Variants in SMARCB1 observed in about 807,000 individuals in gnomAD.
SMARCB1 encodes the protein SWI/SNF-related matrix-associated actin-dependent regulator of chromatin subfamily B member 1.
In SMARCB1, 5 loss-of-function variants were observed where a neutral mutation model predicts 49.0. The ratio of observed to expected loss-of-function variants is 0.10; its 90% CI spans 0.05 to 0.21. SMARCB1 has a LOEUF of 0.21. SMARCB1 is among the 10% of genes least tolerant of loss of function. The probability of loss-of-function intolerance (pLI) is 1.00; values close to 1 mark genes in which losing one functional copy is unlikely to be tolerated. For missense variants in SMARCB1, 226 were observed against 509.2 expected (o/e 0.44, Z 5.35); for synonymous variants, 201 against 200.1 (o/e 1.00, Z -0.04).
At chr22:23,814,753 C>T (rs1425365876) in intron 5 of SMARCB1, among the ~76,000 whole-genome samples, 1 of 151,172 alleles carries the variant, frequency 6.6e-6, no homozygotes, top group Non-Finnish European at 1.5e-5. Context: ...GGCGGATCAC[C>T]TGAGGTCAGG....
At chr22:23,787,925 G>A (rs1179751504) in intron 1 of SMARCB1, among the ~76,000 whole-genome samples, 2 of 152,194 alleles carry the variant, frequency 1.3e-5, no homozygotes, top group African/African-American at 4.8e-5. Context: ...AAGAGCCTAA[G>A]GATGTTTAAC....
chr22:23,813,876 C>T (rs1930025946), intron 5 of SMARCB1, among the ~76,000 whole-genome samples: 1 of 152,068 alleles, frequency 6.6e-6, no homozygotes, highest in South Asian at 2.1e-4. Flanking sequence ...TTTGCCCAGG[C>T]TGGAGTGCAG....
rs542121952 is a variant in SMARCB1, at chr22:23,825,164, C to T, written c.796-61C>T. ...CCACCCCAGGCCTGGCAGGGCCCCG[C>T]TCCTCGCGGCCTCCCTGGGCTGCAA... On this transcript the variant is annotated intron_variant, in intron 6 of 8. Coordinates refer to ENST00000644036, the MANE Select transcript of SMARCB1 (RefSeq NM_003073.5). 2,061 of 1,479,946 alleles carry T rather than the reference C, an allele frequency of 1.4e-3. 10 individuals are homozygous for T. Among genetic ancestry groups the T allele is most frequent in the Middle Eastern group, 9.5e-3 (55 of 5,816 alleles). 91.7% of individuals were successfully genotyped at this position (1,479,946 alleles called of 1,614,324 possible).
Position 23,837,323 on chromosome 22 carries a change from A to G in SMARCB1, c.*3143A>G. 1.1e-6 allele frequency: 1 copy of G among 877,664 alleles called. No individual in the cohort carries two copies. The highest frequency in any genetic ancestry group is 1.6e-5 in the South Asian group (1 of 62,268). 54.4% of individuals were successfully genotyped at this position (877,664 alleles called of 1,614,324 possible). A position where few individuals can be genotyped will look rare whatever the true frequency, so the allele number is the denominator to read the frequency against. ...AGCCCCGGGTTGGCCGTGAAGGACA[A>G]GCTTAAAAGGCCCAGAAGCAGGCAG... On this transcript the variant is annotated 3_prime_UTR_variant, in exon 9 of 9. Coordinates refer to ENST00000644036, the MANE Select transcript of SMARCB1 (RefSeq NM_003073.5).
intron 5 of SMARCB1, among the ~76,000 whole-genome samples, chr22:23,806,919 C>CA (rs61000279): frequency 0.06 from 5,174 of 86,402 alleles, 203 homozygotes; most frequent in East Asian, 0.21. Context: ...GACTCTATCT[C>CA]AAAAAAAAAA....
Position 23,836,106 on chromosome 22 carries a change from C to T in SMARCB1, c.*1926C>T, listed in dbSNP as rs1355478207. On this transcript the variant is annotated 3_prime_UTR_variant, in exon 9 of 9. Transcript: ENST00000644036. The stretch of plus-strand genomic sequence containing the variant: ...CCACAGGGGTCGGATAAGGCTCACA[C>T]ACGTCCTCAGCTAAAAAGGGCAGGA... The T allele has an allele frequency of 1.0e-6, 1 of 985,368 alleles. No homozygotes were observed. Among genetic ancestry groups the T allele is most frequent in the Non-Finnish European group, 1.2e-6 (1 of 829,982 alleles). 61.0% of individuals were successfully genotyped at this position (985,368 alleles called of 1,614,324 possible).
chr22:23,834,157 G>T lies in SMARCB1; in HGVS notation c.1135G>T (p.Ala379Ser). The part of the protein sequence containing the change: ...DRNTRRMRRL[A>S]NTAPAW ...CTCTTCCAGGCGGATGAGGCGTCTT[G>T]CCAACACGGCCCCGGCCTGGTAACC... The change falls in exon 9 of 9, where the codon GCC becomes TCC. Residue 379 changes from alanine (A) to serine (S), a missense_variant. Ala to Ser is a moderately conservative substitution (Grantham distance 99, BLOSUM62 1). Transcript: ENST00000644036. The T allele has an allele frequency of 6.3e-7, 1 of 1,594,064 alleles. No individual in the cohort carries two copies. The highest frequency in any genetic ancestry group is 8.5e-7 in the Non-Finnish European group (1 of 1,170,700).
chr22:23,830,124 A>G (rs976254195), intron 7 of SMARCB1, among the ~76,000 whole-genome samples: 2 of 152,144 alleles, frequency 1.3e-5, no homozygotes, highest in Non-Finnish European at 2.9e-5. Flanking sequence ...ACATTTGTGT[A>G]TGAGTTTTTG....
Position 23,837,917 on chromosome 22 carries a change from C to G in SMARCB1, c.*3737C>G. The G allele has an allele frequency of 4.0e-6, 6 of 1,497,188 alleles. No individual in the cohort carries two copies. The highest frequency in any genetic ancestry group is 5.4e-6 in the Non-Finnish European group (6 of 1,110,832). 92.7% of individuals were successfully genotyped at this position (1,497,188 alleles called of 1,614,324 possible). The stretch of plus-strand genomic sequence containing the variant: ...CCCAAGCCCAGGGCCCCTCTGACTT[C>G]CCAAGACCCTGGAATTCTTCCCCTC... On this transcript the variant is annotated 3_prime_UTR_variant, in exon 9 of 9. Coordinates refer to ENST00000644036, the MANE Select transcript of SMARCB1 (RefSeq NM_003073.5).
intron 7 of SMARCB1, 154 bp downstream of exon 7, chr22:23,825,569 C>A: frequency 1.5e-6 from 1 of 659,406 alleles, no homozygotes. Context: ...CCTCCTCCTG[C>A]CCTATGTATC....
chr22:23,833,147 T>A (rs1379985618), intron 7 of SMARCB1, among the ~76,000 whole-genome samples: 1 of 152,150 alleles, frequency 6.6e-6, no homozygotes, highest in Non-Finnish European at 1.5e-5. Context: ...TCCATCCCCT[T>A]TCCCTGATCA....
chr22:23,821,383 C>T (rs1601428462), intron 6 of SMARCB1, among the ~76,000 whole-genome samples: 1 of 152,172 alleles, frequency 6.6e-6, no homozygotes. Context: ...GGTTTCCCAT[C>T]TATAATTGGG....
chr22:23,813,925 T>C (rs192724411), intron 5 of SMARCB1, among the ~76,000 whole-genome samples: 16 of 152,128 alleles, frequency 1.1e-4, no homozygotes, highest in African/African-American at 3.6e-4. Flanking sequence ...CACCTTCCGG[T>C]TTCAAGCGTT....
At chr22:23,787,377 G>T (rs1196953816) in intron 1 of SMARCB1, 115 bp downstream of exon 1, 6 of 501,590 alleles carry the variant, frequency 1.2e-5, no homozygotes, top group South Asian at 3.0e-5. Context: ...GCGCGCGCGC[G>T]CGCGCTCGGG....
rs762798897 is a variant in SMARCB1 at position 23,787,142 on chromosome 22, G to C, written c.-28G>C. 6.6e-7 allele frequency: 1 copy of C among 1,511,912 alleles called. No homozygotes were observed. The highest frequency in any genetic ancestry group is 1.1e-5 in the South Asian group (1 of 88,440). 93.7% of individuals were successfully genotyped at this position (1,511,912 alleles called of 1,614,324 possible). ...AGCCCTCCTGATCCCTCGCAGCCCGGCTCCGGCCGCCCGCCTCTGCCGCCG... is the reference window on the plus strand; with the variant it reads ...AGCCCTCCTGATCCCTCGCAGCCCGCCTCCGGCCGCCCGCCTCTGCCGCCG... On this transcript the variant is annotated 5_prime_UTR_variant, in exon 1 of 9. Transcript: ENST00000644036.
At chr22:23,803,550 T>A (rs1929308020) in intron 5 of SMARCB1, 128 bp downstream of exon 5, 2 of 1,042,568 alleles carry the variant, frequency 1.9e-6, no homozygotes, top group Admixed American at 2.0e-5. Context: ...CGGGGCATAG[T>A]TTTGGAGGGT....
At chr22:23,816,679 G>A in intron 5 of SMARCB1, 91 bp from the exon 6 acceptor site, 2 of 1,240,024 alleles carry the variant, frequency 1.6e-6, no homozygotes, top group South Asian at 1.2e-5. Context: ...ATCCGGAGAT[G>A]TTTGGCTTCA....
At chr22:23,827,210 C>T (rs1381089379) in intron 7 of SMARCB1, among the ~76,000 whole-genome samples, 1 of 152,248 alleles carries the variant, frequency 6.6e-6, no homozygotes, top group Non-Finnish European at 1.5e-5. Flanking sequence ...CTGCCCCCAG[C>T]ATCCAGCCCC....
Position 23,787,060 on chromosome 22 carries a change from C to G in SMARCB1, c.-110C>G, listed in dbSNP as rs1421529984. ...TGAGGCGCCAGTACCCGGCCCGGTC[C>G]GCATTTCGCCTTCCGGCTTCGGTTT... On this transcript the variant is annotated 5_prime_UTR_variant, in exon 1 of 9. Coordinates refer to ENST00000644036, the MANE Select transcript of SMARCB1 (RefSeq NM_003073.5). 4 of 719,976 alleles carry G rather than the reference C, an allele frequency of 5.6e-6. No individual in the cohort carries two copies. Among genetic ancestry groups the G allele is most frequent in the African/African-American group, 5.5e-5 (3 of 54,602 alleles). The allele number at this position is 719,976 out of a possible 1,614,324, so 44.6% of individuals were successfully genotyped here.
Sources: gnomAD v4.1 joint callset for allele counts (sites outside exome capture counted in the v4.1 genomes callset) on GRCh38, gnomAD v4.1.1 for gene constraint, MANE v1.5 for transcripts, NCBI Gene and HGNC (gene_info 2026-07-23, HGNC 2026-07-21) for gene names.